NKAIN3: variants seen among roughly 807,000 people sequenced by gnomAD.
The protein encoded by NKAIN3 is sodium/potassium-transporting ATPase subunit beta-1-interacting protein 3.
In NKAIN3, 25 loss-of-function variants were observed where a neutral mutation model predicts 30.2. The ratio of observed to expected loss-of-function variants is 0.83; its 90% CI spans 0.60 to 1.16. The LOEUF is 1.16. NKAIN3 is among the 50% of genes most tolerant of loss of function. The probability of loss-of-function intolerance (pLI) is 0.00; values close to 1 mark genes in which losing one functional copy is unlikely to be tolerated. For missense variants in NKAIN3, 225 were observed against 254.1 expected (o/e 0.89, Z 0.78); for synonymous variants, 91 against 89.6 (o/e 1.02, Z -0.09).
At chr8:62,995,352 T>C (rs1585653058) in intron 5 of NKAIN3, among the ~76,000 whole-genome samples, 1 of 152,120 alleles carries the variant, frequency 6.6e-6, no homozygotes, top group South Asian at 2.1e-4. Flanking sequence ...GGCTGCATGG[T>C]AAGGGCTGGG....
intron 4 of NKAIN3, among the ~76,000 whole-genome samples, chr8:62,764,853 A>G (rs1016339508): frequency 5.9e-5 from 9 of 152,204 alleles, no homozygotes; most frequent in Non-Finnish European, 1.0e-4. Flanking sequence ...AGCTATTCTC[A>G]TTAATGGAAT....
At chr8:62,651,708 G>T (rs1023512439) in intron 3 of NKAIN3, among the ~76,000 whole-genome samples, 2 of 152,102 alleles carry the variant, frequency 1.3e-5, no homozygotes, top group African/African-American at 4.8e-5. Context: ...GGAGGTGGGG[G>T]TCTGGTGGGA....
intron 3 of NKAIN3, among the ~76,000 whole-genome samples, chr8:62,644,082 A>G (rs1202230575): frequency 5.3e-5 from 8 of 152,188 alleles, no homozygotes; most frequent in Non-Finnish European, 5.9e-5. Flanking sequence ...TTATTCTCCC[A>G]GCTTACTCTT....
chr8:62,409,395 G>T (rs1306030670), intron 1 of NKAIN3, among the ~76,000 whole-genome samples: 1 of 152,060 alleles, frequency 6.6e-6, no homozygotes. Context: ...TGTTGGTCAG[G>T]CTGGTCTCAA....
intron 1 of NKAIN3, among the ~76,000 whole-genome samples, chr8:62,468,103 T>C (rs1389996873): frequency 6.6e-6 from 1 of 152,192 alleles, no homozygotes; most frequent in South Asian, 2.1e-4. Context: ...CCACAAGTAA[T>C]TATTATTTGA....
chr8:62,918,514 G>GTC lies in NKAIN3; in HGVS notation c.532+2_532+3insCT. 6.2e-7 allele frequency: 1 copy of GTC among 1,606,284 alleles called. No homozygotes were observed. The highest frequency in any genetic ancestry group is 1.1e-5 in the South Asian group (1 of 90,796). On this transcript the variant is annotated splice_donor_variant, in intron 5 of 6. Transcript: ENST00000623646. LOFTEE classifies it high-confidence loss of function. The stretch of plus-strand genomic sequence containing the variant: ...ATTTCCATGGAAGAAGAAGACACAT[G>GTC]TAAGTACTGTTTTCTCTCTCCCTGT...
At chr8:62,386,191 C>T (rs183030680) in intron 1 of NKAIN3, among the ~76,000 whole-genome samples, 9 of 152,264 alleles carry the variant, frequency 5.9e-5, no homozygotes, top group South Asian at 2.1e-4. Flanking sequence ...TTTGAAAGCA[C>T]GTGTGAGAAA....
At chr8:62,412,115 T>C (rs1022867729) in intron 1 of NKAIN3, among the ~76,000 whole-genome samples, 4 of 152,050 alleles carry the variant, frequency 2.6e-5, no homozygotes, top group African/African-American at 9.7e-5. Context: ...GTTAAAGCAA[T>C]ACTGAGCATA....
At chr8:62,992,993 T>C (rs540823232) in intron 5 of NKAIN3, among the ~76,000 whole-genome samples, 1 of 152,232 alleles carries the variant, frequency 6.6e-6, no homozygotes, top group South Asian at 2.1e-4. Context: ...AGGGACCCAG[T>C]CTCATTCTGT....
chr8:62,994,849 T>C (rs1178826653), intron 5 of NKAIN3, among the ~76,000 whole-genome samples: 1 of 152,210 alleles, frequency 6.6e-6, no homozygotes, highest in Non-Finnish European at 1.5e-5. Flanking sequence ...TGCTTTCTTA[T>C]AGTTTTTTCA....
rs1450683690 is a variant in NKAIN3, at chr8:62,969,147, AG to A, written c.*3741del. 6.6e-6 allele frequency among the ~76,000 whole-genome samples: 1 copy of A among 152,214 alleles called. No homozygotes were observed. Among genetic ancestry groups the A allele is most frequent in the Admixed American group, 6.5e-5 (1 of 15,282 alleles). ...TTGAAGATACTCGACACTTTGCCCT[AG>A]CAAAATATTGACTTCTTTGATTTTT... On this transcript the variant is annotated 3_prime_UTR_variant, in exon 7 of 7. Coordinates refer to ENST00000623646, the MANE Select transcript of NKAIN3 (RefSeq NM_001304533.3).
chr8:62,454,730 C>G (rs1475796750), intron 1 of NKAIN3, among the ~76,000 whole-genome samples: 1 of 152,132 alleles, frequency 6.6e-6, no homozygotes, highest in Non-Finnish European at 1.5e-5. Flanking sequence ...TGAAATTTTT[C>G]TTTTCAATTG....
chr8:62,976,663 G>A lies in NKAIN3; in HGVS notation c.*11256G>A, dbSNP rs1347521238. ...TTTGCCAGTCTGTGCCTTTTAATTG[G>A]GGCATTTAGCCCATTTACATTTAAG... On this transcript the variant is annotated 3_prime_UTR_variant, in exon 7 of 7. Transcript: ENST00000623646. Among the ~76,000 whole-genome samples the A allele has an allele frequency of 6.6e-6, 1 of 152,028 alleles. No homozygotes were observed. The highest frequency in any genetic ancestry group is 2.4e-5 in the African/African-American group (1 of 41,380).
At position 62,474,901 on chromosome 8, in the gene NKAIN3, CA is replaced by C. The variant is rs1193539736; in HGVS notation, c.55-104636del. On this transcript the variant is annotated intron_variant, in intron 1 of 6. Coordinates refer to ENST00000623646, the MANE Select transcript of NKAIN3 (RefSeq NM_001304533.3). Reference sequence around the variant, plus strand: ...TTTTTCTTCTAAATTTTTAAAAAGTCAATTAAAATTTCTTACAGTATGTGAG... The same window carrying C: ...TTTTTCTTCTAAATTTTTAAAAAGTCATTAAAATTTCTTACAGTATGTGAG... Among the ~76,000 whole-genome samples, 8 of 152,136 alleles carry C rather than the reference CA, an allele frequency of 5.3e-5. No homozygotes were observed. In the East Asian group the frequency reaches 1.5e-3, roughly 29 times the overall value.
chr8:62,883,924 G>T (rs1224725242), intron 4 of NKAIN3, among the ~76,000 whole-genome samples: 2 of 152,068 alleles, frequency 1.3e-5, no homozygotes, highest in Admixed American at 1.3e-4. Context: ...AATTATAAAT[G>T]GGTATTGGAT....
chr8:62,645,612 T>A (rs1278874076), intron 3 of NKAIN3, among the ~76,000 whole-genome samples: 2 of 152,168 alleles, frequency 1.3e-5, no homozygotes, highest in Admixed American at 6.6e-5. Context: ...TTTTTTAAAT[T>A]AATCAAGTGT....
At chr8:62,490,299 T>C (rs1290386810) in intron 1 of NKAIN3, among the ~76,000 whole-genome samples, 1 of 152,172 alleles carries the variant, frequency 6.6e-6, no homozygotes. Flanking sequence ...CCCATGCCCA[T>C]GGGTCCTAAC....
intron 4 of NKAIN3, among the ~76,000 whole-genome samples, chr8:62,886,346 T>C (rs1821147215): frequency 6.6e-6 from 1 of 152,068 alleles, no homozygotes; most frequent in Admixed American, 6.6e-5. Context: ...GAAGCATATG[T>C]AAACATATAT....
At chr8:62,549,705 T>A (rs921304776) in intron 1 of NKAIN3, among the ~76,000 whole-genome samples, 9 of 151,992 alleles carry the variant, frequency 5.9e-5, no homozygotes, top group African/African-American at 2.2e-4. Flanking sequence ...TGCCAGTTTT[T>A]CTCTCTTCTC....
Sources: allele counts gnomAD v4.1 joint callset (sites outside exome capture counted in the v4.1 genomes callset), GRCh38; gene constraint gnomAD v4.1.1; transcripts MANE v1.5; gene names NCBI Gene and HGNC (gene_info 2026-07-23, HGNC 2026-07-21).